The following KIAA1328 variants were observed in gnomAD, a reference collection of about 807,000 sequenced individuals.
KIAA1328 encodes the protein protein hinderin.
KIAA1328 carries 52 observed loss-of-function variants against 68.1 expected under a neutral mutation model. The observed-to-expected ratio is 0.76, with a 90% CI of 0.61 to 0.96. The LOEUF (loss-of-function observed/expected upper bound fraction) is 0.96, where lower values mean the gene tolerates loss of function less well. Among genes scored for constraint, KIAA1328 ranks in the 40% least tolerant of loss-of-function variants. The pLI, the probability that KIAA1328 is intolerant of heterozygous loss-of-function variation, is 0.00. For missense variants in KIAA1328, 641 were observed against 677.6 expected (o/e 0.95, Z 0.60); for synonymous variants, 232 against 239.4 (o/e 0.97, Z 0.28).
intron 9 of KIAA1328, among the ~76,000 whole-genome samples, chr18:37,190,825 C>T (rs971912270): frequency 6.6e-6 from 1 of 152,176 alleles, no homozygotes; most frequent in African/African-American, 2.4e-5. Context: ...CTGGCCTCCC[C>T]ATCGATCTTC....
intron 3 of KIAA1328, among the ~76,000 whole-genome samples, chr18:36,835,742 C>A (rs2046651990): frequency 6.6e-6 from 1 of 152,040 alleles, no homozygotes; most frequent in South Asian, 2.1e-4. Context: ...ATAGATGAAC[C>A]CTCGTAAAGA....
intron 5 of KIAA1328, among the ~76,000 whole-genome samples, chr18:36,934,438 C>G (rs190433567): frequency 3.0e-3 from 460 of 152,220 alleles, no homozygotes; most frequent in South Asian, 6.8e-3. Flanking sequence ...TTAGTCATAT[C>G]TCCTAATGCT....
At chr18:37,050,368 T>A (rs2055645442) in intron 6 of KIAA1328, among the ~76,000 whole-genome samples, 1 of 152,224 alleles carries the variant, frequency 6.6e-6, no homozygotes, top group Admixed American at 6.5e-5. Flanking sequence ...TGAAGACTGT[T>A]CTCACCACTT....
chr18:37,057,489 G>A (rs1181673033), intron 6 of KIAA1328, among the ~76,000 whole-genome samples: 2 of 150,414 alleles, frequency 1.3e-5, no homozygotes, highest in Admixed American at 6.6e-5. Context: ...GTGCGGTGGC[G>A]CGATCTCGGC....
chr18:36,994,677 G>T (rs768954412), intron 6 of KIAA1328, among the ~76,000 whole-genome samples: 2 of 152,090 alleles, frequency 1.3e-5, no homozygotes, highest in Non-Finnish European at 2.9e-5. Flanking sequence ...TTATAGTCTA[G>T]AGTGTTTTCC....
At chr18:37,143,468 GAAT>G (rs2058819230) in intron 7 of KIAA1328, among the ~76,000 whole-genome samples, 1 of 146,862 alleles carries the variant, frequency 6.8e-6, no homozygotes, top group East Asian at 2.1e-4. Flanking sequence ...CATTGCCTGT[GAAT>G]AATAACAGCT....
rs2059533608 is a variant in KIAA1328 at position 37,173,154 on chromosome 18, G to A, written c.1523+73G>A. 5.4e-6 allele frequency: 6 copies of A among 1,119,878 alleles called. No individual in the cohort carries two copies. The Admixed American group carries it at 8.8e-5, about 16-fold the overall frequency. The allele number at this position is 1,119,878 out of a possible 1,614,324, so 69.4% of individuals were successfully genotyped here. A position where few individuals can be genotyped will look rare whatever the true frequency, so the allele number is the denominator to read the frequency against. On this transcript the variant is annotated intron_variant, in intron 9 of 9. Transcript: ENST00000280020. Reference sequence around the variant, plus strand: ...ATTTTTTTGAAGTTTATTTAATAAGGAAGGGAAAAATCTTGACAACTCTTA... The same window carrying A: ...ATTTTTTTGAAGTTTATTTAATAAGAAAGGGAAAAATCTTGACAACTCTTA...
At position 36,885,622 on chromosome 18, in the gene KIAA1328, A is replaced by C. The variant is rs772274842; in HGVS notation, c.398A>C (p.Lys133Thr). The C allele has an allele frequency of 1.9e-6, 3 of 1,602,574 alleles. No individual in the cohort carries two copies. The highest frequency in any genetic ancestry group is 2.6e-6 in the Non-Finnish European group (3 of 1,174,420). ...GCTGAGCAGGAGTCATTTGAGAAGAAGATCAGGCAGTTGGAAGAACAGAAT... is the reference window on the plus strand; with the variant it reads ...GCTGAGCAGGAGTCATTTGAGAAGACGATCAGGCAGTTGGAAGAACAGAAT... The part of the protein sequence containing the change: ...LKAEQESFEK[K>T]IRQLEEQNEL... Residue 133 changes from lysine to threonine, a missense_variant, in exon 5 of 10, where the codon AAG (lysine) becomes ACG (threonine). Lys to Thr is a moderately conservative substitution (Grantham distance 78). Transcript: ENST00000280020.
intron 5 of KIAA1328, among the ~76,000 whole-genome samples, chr18:36,890,789 A>G (rs1034493033): frequency 3.9e-5 from 6 of 152,202 alleles, no homozygotes; most frequent in Non-Finnish European, 5.9e-5. Flanking sequence ...CATGTGGATG[A>G]CTCAACAAAA....
At chr18:37,107,744 A>G (rs1223228300) in intron 7 of KIAA1328, among the ~76,000 whole-genome samples, 1 of 152,204 alleles carries the variant, frequency 6.6e-6, no homozygotes, top group Non-Finnish European at 1.5e-5. Flanking sequence ...CTGCTCATCA[A>G]TTCTAGAAAC....
chr18:37,014,495 C>G (rs1292996971), intron 6 of KIAA1328, among the ~76,000 whole-genome samples: 1 of 152,104 alleles, frequency 6.6e-6, no homozygotes, highest in East Asian at 1.9e-4. Flanking sequence ...AGAGAAATAC[C>G]TGAGACTGGG....
intron 6 of KIAA1328, among the ~76,000 whole-genome samples, chr18:37,032,391 T>C (rs1029882674): frequency 5.3e-5 from 8 of 152,170 alleles, no homozygotes; most frequent in Non-Finnish European, 8.8e-5. Context: ...ATTGCTTGTA[T>C]TTACATTTCT....
At chr18:37,226,423 A>G (rs1474795264), downstream of KIAA1328, among the ~76,000 whole-genome samples, 1 of 151,896 alleles carries the variant, frequency 6.6e-6, no homozygotes, top group East Asian at 1.9e-4. Context: ...CATTTTCATC[A>G]CTCCGAAGAG....
chr18:37,117,099 G>A (rs1209584879), intron 7 of KIAA1328, among the ~76,000 whole-genome samples: 1 of 152,174 alleles, frequency 6.6e-6, no homozygotes, highest in African/African-American at 2.4e-5. Flanking sequence ...GAAAGACAGT[G>A]TGGCGATTCC....
chr18:37,186,993 GC>G (rs2059815174), intron 9 of KIAA1328, among the ~76,000 whole-genome samples: 1 of 152,096 alleles, frequency 6.6e-6, no homozygotes, highest in Admixed American at 6.5e-5. Context: ...GGCCAACATG[GC>G]AAAACCCCAT....
intron 9 of KIAA1328, among the ~76,000 whole-genome samples, chr18:37,211,891 T>A (rs552673047): frequency 7.9e-5 from 12 of 152,334 alleles, no homozygotes; most frequent in Middle Eastern, 3.4e-3. Context: ...TCTAAAAGGT[T>A]TATTTCTGAT....
chr18:36,849,037 G>A lies in KIAA1328; in HGVS notation c.332+4735G>A, dbSNP rs147629096. On this transcript the variant is annotated intron_variant, in intron 4 of 9. Transcript: ENST00000280020. ...TTTTAATTTAATTTTTAAAATTACAGTAAGATATACATAAAATTTACTATT... is the reference window on the plus strand; with the variant it reads ...TTTTAATTTAATTTTTAAAATTACAATAAGATATACATAAAATTTACTATT... 8.4e-3 allele frequency among the ~76,000 whole-genome samples: 1,271 copies of A among 151,766 alleles called. 13 individuals carry two copies. The highest frequency in any genetic ancestry group is 0.028 in the African/African-American group (1,159 of 41,434).
chr18:36,854,420 G>A (rs951598287), intron 4 of KIAA1328, among the ~76,000 whole-genome samples: 1 of 152,148 alleles, frequency 6.6e-6, no homozygotes, highest in African/African-American at 2.4e-5. Flanking sequence ...CAAAGTAAAA[G>A]AAGTTCCATA....
chr18:37,222,608 G>T lies in KIAA1328; in HGVS notation c.*381G>T. The T allele has an allele frequency of 9.6e-6, 10 of 1,038,440 alleles. No homozygotes were observed. The highest frequency in any genetic ancestry group is 1.2e-5 in the Non-Finnish European group (10 of 863,152). The allele number at this position is 1,038,440 out of a possible 1,614,324, so 64.3% of individuals were successfully genotyped here. A position where few individuals can be genotyped will look rare whatever the true frequency, so the allele number is the denominator to read the frequency against. ...TATATACAAGAAAAACCTTTCCACT[G>T]AAAAATCCCTCTGATTTAAAAGTAA... On this transcript the variant is annotated 3_prime_UTR_variant, in exon 10 of 10. Transcript: ENST00000280020.
Sources: allele counts gnomAD v4.1 joint callset (sites outside exome capture counted in the v4.1 genomes callset), GRCh38; gene constraint gnomAD v4.1.1; transcripts MANE v1.5; gene names NCBI Gene and HGNC (gene_info 2026-07-23, HGNC 2026-07-21).